The following ATM variants were observed in gnomAD, a reference collection of about 807,000 sequenced individuals.
ATM encodes the protein serine-protein kinase ATM.
ATM carries 308 observed loss-of-function variants against 387.0 expected under a neutral mutation model. The ratio of observed to expected loss-of-function variants is 0.80; its 90% CI spans 0.73 to 0.87. The LOEUF (loss-of-function observed/expected upper bound fraction) is 0.87. ATM is among the 40% of genes least tolerant of loss of function. The pLI is 0.00. For missense variants in ATM, 3,312 were observed against 3,560.9 expected (o/e 0.93, Z 1.78); for synonymous variants, 1,156 against 1,187.3 (o/e 0.97, Z 0.54).
rs1475047564 is a variant in ATM at position 108,367,417 on chromosome 11, T to TAGTTTGATACATAGG, written c.*1910_*1924dup. On this transcript the variant is annotated 3_prime_UTR_variant, in exon 63 of 63. Transcript: ENST00000675843. ...GTTGGAAGGGAAGGGCTTAGGTATC[T>TAGTTTGATACATAGG]AGTTTGATACATAGGTAGAAGTGGA... The TAGTTTGATACATAGG allele has an allele frequency of 5.0e-6, 1 of 199,142 alleles. No individual in the cohort carries two copies. The highest frequency in any genetic ancestry group is 2.3e-5 in the African/African-American group (1 of 43,442). 12.3% of individuals were successfully genotyped at this position (199,142 alleles called of 1,614,324 possible).
chr11:108,261,630 G>A (rs2080894805), intron 16 of ATM, among the ~76,000 whole-genome samples: 1 of 152,200 alleles, frequency 6.6e-6, no homozygotes, highest in Non-Finnish European at 1.5e-5. Flanking sequence ...AAAGCTGGAT[G>A]GAGAATGACT....
At chr11:108,303,096 T>TC in intron 36 of ATM, 67 bp downstream of exon 36, 1 of 1,391,118 alleles carries the variant, frequency 7.2e-7, no homozygotes, top group Non-Finnish European at 1.0e-6. Context: ...AGTGCTGTGA[T>TC]ACTGCACATC....
intron 3 of ATM, 53 bp downstream of exon 3, chr11:108,227,941 TTC>T: frequency 6.9e-7 from 1 of 1,454,266 alleles, no homozygotes; most frequent in Non-Finnish European, 9.6e-7. Context: ...TCATATTTAT[TTC>T]TGTTGTGATA....
chr11:108,249,221 A>C, intron 9 of ATM, 119 bp downstream of exon 9: 1 of 1,143,418 alleles, frequency 8.7e-7, no homozygotes, highest in Non-Finnish European at 1.3e-6. Flanking sequence ...TCTACCCCCA[A>C]ACCTATTACT....
chr11:108,233,131 G>T (rs532511717), intron 4 of ATM, among the ~76,000 whole-genome samples: 25 of 152,114 alleles, frequency 1.6e-4, no homozygotes, highest in Admixed American at 1.5e-3. Context: ...CAAACTGCTG[G>T]GTTTATAGGC....
In ATM at chr11:108,299,726, G is replaced by A. The variant is rs878853515; in HGVS notation, c.5018G>A (p.Ser1673Asn). The part of the protein sequence containing the change: ...GEKEVLEAVG[S>N]CLGEVGPIDF... ...TTTCTATATGTAGAGGCTGTTGGAA[G>A]CTGCTTGGGAGAAGTGGGTCCTATA... Residue 1673 changes from serine (S) to asparagine (N), a missense_variant, in exon 34 of 63, where the codon AGC becomes AAC. By Grantham distance (46) the Ser-to-Asn change is conservative. Transcript: ENST00000675843. 1.2e-6 allele frequency: 2 copies of A among 1,613,808 alleles called. No individual in the cohort carries two copies. Among genetic ancestry groups the A allele is most frequent in the Non-Finnish European group, 1.7e-6 (2 of 1,179,880 alleles).
chr11:108,332,406 T>A (rs190699265), intron 52 of ATM, among the ~76,000 whole-genome samples: 1 of 152,288 alleles, frequency 6.6e-6, no homozygotes, highest in African/African-American at 2.4e-5. Context: ...CACTCCAGCC[T>A]GGGCAACAAG....
chr11:108,332,680 T>A (rs2136553039), intron 52 of ATM, 82 bp from the exon 53 acceptor site: 1 of 1,448,624 alleles, frequency 6.9e-7, no homozygotes, highest in South Asian at 1.2e-5. Context: ...ATAAATTCTG[T>A]TTTTCTCTTT....
At chr11:108,339,406 G>T (rs200085995) in intron 56 of ATM, among the ~76,000 whole-genome samples, 1 of 152,154 alleles carries the variant, frequency 6.6e-6, no homozygotes, top group Non-Finnish European at 1.5e-5. Flanking sequence ...TCTGGGGAGA[G>T]AAGCCATAAT....
Position 108,347,298 on chromosome 11 carries a change from T to G in ATM, c.8604T>G (p.Leu2868=), listed in dbSNP as rs2088545756. The G allele has an allele frequency of 2.5e-6, 4 of 1,611,070 alleles. No individual in the cohort carries two copies. The highest frequency in any genetic ancestry group is 3.4e-6 in the Non-Finnish European group (4 of 1,177,452). ...CTCCAGTTGGTTACATACTTGGACTTGGTGATAGACATGTACAGAATATCT... is the reference window on the plus strand; with the variant it reads ...CTCCAGTTGGTTACATACTTGGACTGGGTGATAGACATGTACAGAATATCT... The part of the protein sequence containing the change: ...TSSIVGYILG[L]GDRHVQNILI... Residue 2868 remains leucine, a synonymous_variant, in exon 59 of 63, where the codon CTT becomes CTG. Coordinates refer to ENST00000675843, the MANE Select transcript of ATM (RefSeq NM_000051.4).
Position 108,257,523 on chromosome 11 carries a change from AAT to A in ATM, c.2295_2296del (p.Asn765LysfsTer4), listed in dbSNP as rs1396223207. On this transcript the variant is annotated frameshift_variant, in exon 15 of 63. Transcript: ENST00000675843. LOFTEE classifies it high-confidence loss of function. ...AGGAGAAAGTATCACTCTGTTTAAA[AAT>A]AAGACAAATGAGGAATTCAGAATTG... is the stretch of plus-strand genomic sequence containing the variant. Reference protein sequence around the residue: ...CAGESITLFKNKTNEEFRIGS... With the variant: ...CAGESITLFKXKTNEEFRIGS... 1 of 1,613,988 alleles carries A rather than the reference AAT, an allele frequency of 6.2e-7. No homozygotes were observed. The highest frequency in any genetic ancestry group is 1.7e-5 in the Admixed American group (1 of 60,032).
chr11:108,245,158 A>G (rs1403811011), intron 7 of ATM, 132 bp downstream of exon 7: 8 of 786,044 alleles, frequency 1.0e-5, no homozygotes, highest in Middle Eastern at 3.5e-4. Flanking sequence ...TTACTTAGCC[A>G]TGAGAATGTT....
At chr11:108,261,679 T>G (rs1344634791) in intron 16 of ATM, among the ~76,000 whole-genome samples, 1 of 151,974 alleles carries the variant, frequency 6.6e-6, no homozygotes, top group Non-Finnish European at 1.5e-5. Context: ...ACGATCAAAT[T>G]ACTCTGAGCT....
In ATM at chr11:108,251,875, G is replaced by A. The variant is rs2080166953; in HGVS notation, c.1646G>A (p.Ser549Asn). The A allele has an allele frequency of 1.2e-6, 2 of 1,613,864 alleles. No individual in the cohort carries two copies. Among genetic ancestry groups the A allele is most frequent in the South Asian group, 1.1e-5 (1 of 91,072 alleles). ...VCCLTLALTTSIVPGTVKMGI... is the reference protein window; with the variant it reads ...VCCLTLALTTNIVPGTVKMGI... ...TGTTTGACTTTGGCACTGACCACCA[G>A]TATAGTTCCAGGAACGGTAAAAATG... Residue 549 changes from serine to asparagine, a missense_variant, in exon 11 of 63, where the codon AGT (serine) becomes AAT (asparagine). By Grantham distance (46) the Ser-to-Asn change is conservative (BLOSUM62 1). Around this residue, in one of 4 missense-constraint regions of ATM, gnomAD observed 1,791 missense variants for 1,804.5 expected, o/e 0.99. Coordinates refer to ENST00000675843, the MANE Select transcript of ATM (RefSeq NM_000051.4).
chr11:108,260,994 C>T (rs527244024), intron 16 of ATM, among the ~76,000 whole-genome samples: 61 of 150,850 alleles, frequency 4.0e-4, no homozygotes, highest in East Asian at 2.1e-3. Flanking sequence ...CCTACGCCCA[C>T]GGAGTCTCGC....
rs1324075885 is a variant in ATM, at chr11:108,330,303, C to A, written c.7397C>A (p.Ala2466Glu). 3 of 1,614,170 alleles carry A rather than the reference C, an allele frequency of 1.9e-6. No individual in the cohort carries two copies. The South Asian group carries it at 3.3e-5, about 18-fold the overall frequency. The change falls in exon 50 of 63, where the codon GCA (alanine) becomes GAA (glutamate). Residue 2466 changes from alanine to glutamate, a missense_variant. Transcript: ENST00000675843. ...GATCGTAAACGCTTCTTATGTAAAG[C>A]AGTTGAAAATTATATCAACTGCTTA... ...KEDRKRFLCK[A>E]VENYINCLLS...
In ATM at chr11:108,235,838, T is replaced by C. The variant is rs587781375; in HGVS notation, c.496+4T>C. 7.8e-5 allele frequency: 126 copies of C among 1,613,784 alleles called. No individual in the cohort carries two copies. The highest frequency in any genetic ancestry group is 1.7e-4 in the Middle Eastern group (1 of 6,054). On this transcript the variant is annotated splice_donor_region_variant and intron_variant, in intron 5 of 62. Coordinates refer to ENST00000675843, the MANE Select transcript of ATM (RefSeq NM_000051.4). Reference sequence around the variant, plus strand: ...ATATCTCAGCAACAGTGGTTAGGTATGTTTTGAAGGTTGTTGTTTGTGAAT... The same window carrying C: ...ATATCTCAGCAACAGTGGTTAGGTACGTTTTGAAGGTTGTTGTTTGTGAAT...
chr11:108,235,614 A>G (rs748035100), intron 4 of ATM, 56 bp from the exon 5 acceptor site: 80 of 1,424,608 alleles, frequency 5.6e-5, no homozygotes, highest in Non-Finnish European at 7.5e-5. Flanking sequence ...TGCCATTCCA[A>G]GTGTCTTATT....
intron 22 of ATM, among the ~76,000 whole-genome samples, chr11:108,274,075 T>G (rs2081782616): frequency 6.6e-6 from 1 of 152,210 alleles, no homozygotes; most frequent in Non-Finnish European, 1.5e-5. Flanking sequence ...ATTCAGGGAT[T>G]CGACTTCTTC....
Sources: gnomAD v4.1 joint callset for allele counts (sites outside exome capture counted in the v4.1 genomes callset) on GRCh38, gnomAD v4.1.1 for gene constraint, gnomAD v4.1.1 regional missense constraint, MANE v1.5 for transcripts, NCBI Gene and HGNC (gene_info 2026-07-23, HGNC 2026-07-21) for gene names.